ATF7IP2: variants seen among roughly 807,000 people sequenced by gnomAD.
ATF7IP2 encodes the protein activating transcription factor 7-interacting protein 2.
ATF7IP2 carries 42 observed loss-of-function variants against 64.2 expected under a neutral mutation model. That is an observed-to-expected ratio of 0.65 (90% CI 0.51 to 0.85). The LOEUF is 0.85. ATF7IP2 is among the 40% of genes least tolerant of loss of function. ATF7IP2 has a pLI of 0.00. For missense variants in ATF7IP2, 933 were observed against 784.2 expected, an observed-to-expected ratio of 1.19 and a Z score of -2.27; for synonymous variants, 308 against 272.8, an observed-to-expected ratio of 1.13 and a Z score of -1.27.
chr16:10,476,539 TGTGCAG>T lies in ATF7IP2; in HGVS notation c.1549+2553_1549+2558del, dbSNP rs2050016122. ...TATGTTCTGGGGTACATGTGCAGGA[TGTGCAG>T]GTTTGTTACATAGGTAAATGTGTGC... On this transcript the variant is annotated intron_variant, in intron 12 of 13. Transcript: ENST00000562102. Among the ~76,000 whole-genome samples, 3 of 152,244 alleles carry T rather than the reference TGTGCAG, an allele frequency of 2.0e-5. 1 individual carries two copies. In the South Asian group the frequency reaches 6.2e-4, roughly 32 times the overall value.
intron 1 of ATF7IP2, among the ~76,000 whole-genome samples, chr16:10,391,444 G>C (rs545015631): frequency 6.6e-6 from 1 of 152,196 alleles, no homozygotes; most frequent in African/African-American, 2.4e-5. Context: ...AAAGGAATAT[G>C]GCAGGAAATT....
intron 12 of ATF7IP2, 112 bp from the exon 13 acceptor site, chr16:10,480,767 T>C (rs766842818): frequency 4.9e-5 from 38 of 780,542 alleles, no homozygotes; most frequent in Non-Finnish European, 7.9e-5. Context: ...TTCACAGTTT[T>C]ATAATTTTAA....
chr16:10,415,026 C>T (rs569934472), intron 2 of ATF7IP2, among the ~76,000 whole-genome samples: 5 of 152,228 alleles, frequency 3.3e-5, no homozygotes, highest in East Asian at 3.9e-4. Flanking sequence ...TTAGAAAAAT[C>T]GATATTGTTA....
At chr16:10,417,446 C>A (rs2047901713) in intron 2 of ATF7IP2, among the ~76,000 whole-genome samples, 2 of 152,050 alleles carry the variant, frequency 1.3e-5, no homozygotes, top group African/African-American at 4.8e-5. Context: ...ATCTCACATA[C>A]AATTAGCTTT....
intron 1 of ATF7IP2, 45 bp downstream of exon 1, chr16:10,386,167 G>A (rs1396229091): frequency 6.6e-6 from 1 of 152,474 alleles, no homozygotes; most frequent in African/African-American, 2.4e-5. Context: ...GGCGATTGGC[G>A]GGGTGGCGGC....
chr16:10,454,408 C>CAAAAAAAA (rs34720125), intron 8 of ATF7IP2: 3 of 48,230 alleles, frequency 6.2e-5, no homozygotes, highest in African/African-American at 1.2e-4. Flanking sequence ...GACTCCATCT[C>CAAAAAAAA]AAAAAAAAAA....
chr16:10,435,731 C>A (rs142375975), intron 6 of ATF7IP2, among the ~76,000 whole-genome samples: 1 of 152,180 alleles, frequency 6.6e-6, no homozygotes, highest in African/African-American at 2.4e-5. Context: ...TAGGCTACTG[C>A]TTTCTCAAAC....
chr16:10,452,456 T>C (rs1186691598), intron 8 of ATF7IP2, among the ~76,000 whole-genome samples: 1 of 152,238 alleles, frequency 6.6e-6, no homozygotes, highest in Non-Finnish European at 1.5e-5. Flanking sequence ...CAACGATTGC[T>C]GCCTGTTCCT....
intron 1 of ATF7IP2, among the ~76,000 whole-genome samples, chr16:10,401,641 C>CT (rs927990246): frequency 5.9e-5 from 9 of 151,594 alleles, no homozygotes; most frequent in African/African-American, 9.7e-5. Flanking sequence ...GAATTCCCTC[C>CT]TTTTTTTTCC....
intron 9 of ATF7IP2, among the ~76,000 whole-genome samples, chr16:10,467,627 G>GGT (rs1040102622): frequency 2.7e-5 from 4 of 150,506 alleles, no homozygotes; most frequent in African/African-American, 4.9e-5. Context: ...GGAGTGCAGT[G>GGT]GTGTATCTTG....
chr16:10,393,098 T>A (rs1258513379), intron 1 of ATF7IP2, among the ~76,000 whole-genome samples: 1 of 151,190 alleles, frequency 6.6e-6, no homozygotes, highest in Non-Finnish European at 1.5e-5. Context: ...TCACTTGAGG[T>A]CAGAAGTTTG....
chr16:10,476,223 A>C (rs2050002693), intron 12 of ATF7IP2, among the ~76,000 whole-genome samples: 1 of 152,252 alleles, frequency 6.6e-6, no homozygotes, highest in African/African-American at 2.4e-5. Context: ...TACTTCTAGG[A>C]AGGTTTTTGT....
chr16:10,390,709 AG>A (rs1355468008), intron 1 of ATF7IP2, among the ~76,000 whole-genome samples: 1 of 152,136 alleles, frequency 6.6e-6, no homozygotes, highest in African/African-American at 2.4e-5. Context: ...GGATTACTTG[AG>A]CCTAGGATTT....
Position 10,472,132 on chromosome 16 carries a change from A to G in ATF7IP2, c.1375A>G (p.Ile459Val). 1 of 1,568,224 alleles carries G rather than the reference A, an allele frequency of 6.4e-7. No individual in the cohort carries two copies. The highest frequency in any genetic ancestry group is 1.2e-5 in the South Asian group (1 of 86,162). ...TAGTAACAATGATGATGTTATGTTGATTTCTGTGGAAAGTCCTAATTTGAC... is the reference window on the plus strand; with the variant it reads ...TAGTAACAATGATGATGTTATGTTGGTTTCTGTGGAAAGTCCTAATTTGAC... The part of the protein sequence containing the change: ...SESNNDDVML[I>V]SVESPNLTTP... Residue 459 changes from isoleucine to valine, a missense_variant, in exon 10 of 14, where the codon ATT becomes GTT. Physicochemically the swap from Ile to Val is conservative, Grantham distance 29. Transcript: ENST00000562102.
chr16:10,393,530 T>C (rs2047369107), intron 1 of ATF7IP2, among the ~76,000 whole-genome samples: 1 of 152,042 alleles, frequency 6.6e-6, no homozygotes, highest in South Asian at 2.1e-4. Context: ...CATGAGAAAT[T>C]CAAGACTTCA....
chr16:10,392,889 G>A (rs1028437131), intron 1 of ATF7IP2, among the ~76,000 whole-genome samples: 4 of 151,852 alleles, frequency 2.6e-5, no homozygotes, highest in Non-Finnish European at 5.9e-5. Context: ...TGAAGGGTCA[G>A]GTTAGAGTCT....
intron 6 of ATF7IP2, among the ~76,000 whole-genome samples, chr16:10,435,560 C>T (rs907706301): frequency 1.4e-4 from 21 of 152,114 alleles, no homozygotes; most frequent in African/African-American, 5.1e-4. Context: ...AGGAACATTA[C>T]CATTAAATTA....
At chr16:10,427,037 A>G (rs2048099633) in intron 3 of ATF7IP2, among the ~76,000 whole-genome samples, 2 of 152,100 alleles carry the variant, frequency 1.3e-5, no homozygotes, top group Non-Finnish European at 2.9e-5. Flanking sequence ...AGTTTTTAGT[A>G]CAGACAGGGT....
chr16:10,391,950 A>C (rs1400675673), intron 1 of ATF7IP2, among the ~76,000 whole-genome samples: 1 of 152,080 alleles, frequency 6.6e-6, no homozygotes, highest in African/African-American at 2.4e-5. Flanking sequence ...ATACAATTAG[A>C]GAATACTATA....
Sources: gnomAD v4.1 joint callset for allele counts (sites outside exome capture counted in the v4.1 genomes callset) on GRCh38, gnomAD v4.1.1 for gene constraint, MANE v1.5 for transcripts, NCBI Gene and HGNC (gene_info 2026-07-23, HGNC 2026-07-21) for gene names.